CERK: variants seen among roughly 807,000 people sequenced by gnomAD.
CERK encodes the protein ceramide kinase.
In CERK, 39 loss-of-function variants were observed where a neutral mutation model predicts 63.4. The observed-to-expected ratio is 0.61, with a 90% CI of 0.48 to 0.80. The LOEUF is 0.80. Among genes scored for constraint, CERK ranks in the 30% least tolerant of loss-of-function variants. The probability of loss-of-function intolerance (pLI) is 0.00; values close to 1 mark genes in which losing one functional copy is unlikely to be tolerated. For missense variants in CERK, 670 were observed against 714.1 expected, an observed-to-expected ratio of 0.94 and a Z score of 0.70; for synonymous variants, 302 against 280.0, an observed-to-expected ratio of 1.08 and a Z score of -0.78.
intron 9 of CERK, 71 bp downstream of exon 9, chr22:46,695,139 A>G (rs1451285635): frequency 2.4e-6 from 2 of 831,482 alleles, no homozygotes; most frequent in South Asian, 1.6e-5. Flanking sequence ...ATACTTCTGC[A>G]TTCACCTTCC....
chr22:46,699,016 C>T (rs1184851342), intron 8 of CERK, among the ~76,000 whole-genome samples: 1 of 152,128 alleles, frequency 6.6e-6, no homozygotes, highest in Non-Finnish European at 1.5e-5. Context: ...AGGCTGGTGG[C>T]CTGGCGTCTT....
In CERK at chr22:46,704,353, G is replaced by A. The variant is rs78759779; in HGVS notation, c.716-2643C>T. Reference sequence around the variant, plus strand: ...CACTGGCAAATGGTGACAAAAGACAGGTTTCTTGCAAACAAGGTAAGAACC... The same window carrying A: ...CACTGGCAAATGGTGACAAAAGACAAGTTTCTTGCAAACAAGGTAAGAACC... On this transcript the variant is annotated intron_variant, in intron 6 of 12. Transcript: ENST00000216264. Among the ~76,000 whole-genome samples the A allele has an allele frequency of 4.7e-3, 712 of 152,322 alleles. 4 individuals are homozygous for A. Among genetic ancestry groups the A allele is most frequent in the African/African-American group, 0.016 (681 of 41,576 alleles).
chr22:46,688,151 G>T (rs929709952), intron 12 of CERK, among the ~76,000 whole-genome samples: 1 of 152,142 alleles, frequency 6.6e-6, no homozygotes, highest in Admixed American at 6.5e-5. Context: ...CCTCGCCATT[G>T]CACTCCAGCC....
At chr22:46,692,445 A>G (rs2082736603) in intron 10 of CERK, among the ~76,000 whole-genome samples, 1 of 150,494 alleles carries the variant, frequency 6.6e-6, no homozygotes, top group African/African-American at 2.4e-5. Flanking sequence ...AAAAAAAAAA[A>G]AAAAAAATTA....
intron 1 of CERK, among the ~76,000 whole-genome samples, chr22:46,731,346 C>T (rs1178938005): frequency 6.6e-6 from 1 of 152,188 alleles, no homozygotes; most frequent in Non-Finnish European, 1.5e-5. Flanking sequence ...GGAAGCACCT[C>T]CACCCCCCGC....
chr22:46,721,599 C>T (rs764330717), intron 1 of CERK, among the ~76,000 whole-genome samples: 80 of 152,144 alleles, frequency 5.3e-4, no homozygotes, highest in Admixed American at 5.2e-4. Flanking sequence ...GCAGCAAATG[C>T]GGACCATTCC....
At chr22:46,687,877 T>G (rs1244674284) in intron 12 of CERK, among the ~76,000 whole-genome samples, 3 of 152,154 alleles carry the variant, frequency 2.0e-5, no homozygotes, top group Non-Finnish European at 4.4e-5. Context: ...TCAGACGTAT[T>G]TCAGTAACCT....
chr22:46,710,254 C>T (rs1222036179), intron 5 of CERK, among the ~76,000 whole-genome samples: 3 of 151,914 alleles, frequency 2.0e-5, no homozygotes, highest in East Asian at 1.9e-4. Context: ...GCCAACATGG[C>T]GAAATCCTGT....
chr22:46,728,546 C>T lies in CERK; in HGVS notation c.143-7531G>A, dbSNP rs114955014. 1.4e-3 allele frequency among the ~76,000 whole-genome samples: 215 copies of T among 152,272 alleles called. 2 individuals carry two copies. The highest frequency in any genetic ancestry group is 4.7e-3 in the African/African-American group (196 of 41,554). ...TGAGGATCCCATTGGGTGTGAAGCC[C>T]GCAGCACTGCAGGGCACAGTACACG... On this transcript the variant is annotated intron_variant, in intron 1 of 12. Transcript: ENST00000216264.
At position 46,691,703 on chromosome 22, in the gene CERK, G is replaced by A. The variant is rs144962784; in HGVS notation, c.1201C>T (p.Arg401Cys). The change falls in exon 11 of 13, where the codon CGC becomes TGC. Residue 401 changes from arginine to cysteine, a missense_variant. Coordinates refer to ENST00000216264, the MANE Select transcript of CERK (RefSeq NM_022766.6). ...GGGGAGAGGCCCCTGGGGCTCCGGC[G>A]ACAAGCACAGGACATGTTTGTGGCA... ...INATNMSCAC[R>C]RSPRGLSPAA... The A allele has an allele frequency of 3.2e-5, 52 of 1,613,860 alleles. No individual in the cohort carries two copies. Among genetic ancestry groups the A allele is most frequent in the Middle Eastern group, 1.6e-4 (1 of 6,078 alleles).
chr22:46,721,114 T>C (rs957847382), intron 1 of CERK, 99 bp from the exon 2 acceptor site: 1 of 794,564 alleles, frequency 1.3e-6, no homozygotes, highest in African/African-American at 1.7e-5. Context: ...TGCTTTAATA[T>C]TCTCATTAGA....
chr22:46,687,277 G>T, intron 12 of CERK, 71 bp from the exon 13 acceptor site: 1 of 700,612 alleles, frequency 1.4e-6, no homozygotes, highest in Non-Finnish European at 2.0e-6. Flanking sequence ...CCCCACTCCT[G>T]GACAGGGGCT....
At chr22:46,719,737 C>T (rs1165776529) in intron 3 of CERK, among the ~76,000 whole-genome samples, 2 of 152,158 alleles carry the variant, frequency 1.3e-5, no homozygotes, top group African/African-American at 4.8e-5. Context: ...AGGTGTATTC[C>T]TCCATGTGCC....
Position 46,701,451 on chromosome 22 carries a change from C to G in CERK, c.790+185G>C, listed in dbSNP as rs557508879. 5.3e-5 allele frequency among the ~76,000 whole-genome samples: 8 copies of G among 152,378 alleles called. No homozygotes were observed. The East Asian group carries it at 7.7e-4, about 15-fold the overall frequency. Reference sequence around the variant, plus strand: ...GCCCCCAGGAAGCCCGTCCTGACAACGTGGCCTCGGAGCTGCGTGCTGAGT... The same window carrying G: ...GCCCCCAGGAAGCCCGTCCTGACAAGGTGGCCTCGGAGCTGCGTGCTGAGT... On this transcript the variant is annotated intron_variant, in intron 7 of 12. Coordinates refer to ENST00000216264, the MANE Select transcript of CERK (RefSeq NM_022766.6).
At chr22:46,726,136 C>T (rs563529189) in intron 1 of CERK, among the ~76,000 whole-genome samples, 1 of 152,380 alleles carries the variant, frequency 6.6e-6, no homozygotes, top group African/African-American at 2.4e-5. Context: ...TGGGCACGCT[C>T]ATGGCAGGGC....
rs749406399 is a variant in CERK at position 46,695,213 on chromosome 22, G to C, written c.1046C>G (p.Ala349Gly). Residue 349 changes from alanine to glycine, a missense_variant, in exon 9 of 13, where the codon GCA becomes GGA. Ala to Gly is a moderately conservative substitution (Grantham distance 60, BLOSUM62 0). Coordinates refer to ENST00000216264, the MANE Select transcript of CERK (RefSeq NM_022766.6). ...ACACACAAAGCAATGCACTTACCCT[G>C]CCCGGCAGGGCTTCCTATCCCTTGG... is the stretch of plus-strand genomic sequence containing the variant. ...GSPRDRKPCR[A>G]GCFVCRQSKQ... 1 of 1,538,648 alleles carries C rather than the reference G, an allele frequency of 6.5e-7. No individual in the cohort carries two copies. Among genetic ancestry groups the C allele is most frequent in the South Asian group, 1.1e-5 (1 of 88,824 alleles).
intron 3 of CERK, among the ~76,000 whole-genome samples, chr22:46,716,244 G>A (rs2082865635): frequency 6.7e-6 from 1 of 150,004 alleles, no homozygotes; most frequent in Non-Finnish European, 1.5e-5. Flanking sequence ...AGGCTGGAGT[G>A]AAGTTGCATG....
At chr22:46,730,817 G>A (rs564322846) in intron 1 of CERK, among the ~76,000 whole-genome samples, 13 of 152,296 alleles carry the variant, frequency 8.5e-5, no homozygotes, top group African/African-American at 1.4e-4. Flanking sequence ...CCTTTGCCTC[G>A]TCTATCTTGG....
At chr22:46,728,635 G>A (rs2082931440) in intron 1 of CERK, among the ~76,000 whole-genome samples, 1 of 152,206 alleles carries the variant, frequency 6.6e-6, no homozygotes, top group Non-Finnish European at 1.5e-5. Flanking sequence ...AAGCCCGACC[G>A]CCTGTCTCTC....
Sources: gnomAD v4.1 joint callset for allele counts (sites outside exome capture counted in the v4.1 genomes callset) on GRCh38, gnomAD v4.1.1 for gene constraint, MANE v1.5 for transcripts, NCBI Gene and HGNC (gene_info 2026-07-23, HGNC 2026-07-21) for gene names.